Variants in KCNQ3 observed in about 807,000 individuals in gnomAD.
The protein encoded by KCNQ3 is potassium voltage-gated channel subfamily KQT member 3.
A neutral mutation model predicts 92.5 loss-of-function variants in KCNQ3; 30 were observed. The ratio of observed to expected loss-of-function variants is 0.32; its 90% confidence interval spans 0.24 to 0.44. The LOEUF (loss-of-function observed/expected upper bound fraction) is 0.44, where lower values mean the gene tolerates loss of function less well. KCNQ3 is among the 20% of genes least tolerant of loss of function. The pLI, the probability that KCNQ3 is intolerant of heterozygous loss-of-function variation, is 1.00. For missense variants in KCNQ3, 913 were observed against 1,140.3 expected (o/e 0.80, Z 2.87); for synonymous variants, 450 against 468.8 (o/e 0.96, Z 0.52).
rs1480654619 is a variant in KCNQ3 at position 132,123,000 on chromosome 8, G to A, written c.*6262C>T. ...CAACATGGGGATTCTCTGGGACAAG[G>A]CAAGAGGACCCAAGCTGTGTTCAAA... On this transcript the variant is annotated 3_prime_UTR_variant, in exon 15 of 15. Transcript: ENST00000388996. The A allele has an allele frequency of 6.6e-6, 1 of 152,156 alleles. No individual in the cohort carries two copies. The highest frequency in any genetic ancestry group is 2.4e-5 in the African/African-American group (1 of 41,436). The allele number at this position is 152,156 out of a possible 1,614,324, so 9.4% of individuals were successfully genotyped here. A position where few individuals can be genotyped will look rare whatever the true frequency, so the allele number is the denominator to read the frequency against.
chr8:132,170,476 C>G, intron 7 of KCNQ3, 48 bp from the exon 8 acceptor site: 2 of 1,214,748 alleles, frequency 1.6e-6, no homozygotes, highest in Non-Finnish European at 2.4e-6. Context: ...CCACCTGAAA[C>G]TTTCGCACAG....
chr8:132,333,736 A>ATT (rs5895137), intron 1 of KCNQ3, among the ~76,000 whole-genome samples: 2 of 145,342 alleles, frequency 1.4e-5, no homozygotes, highest in African/African-American at 5.1e-5. Context: ...TATGAAACAA[A>ATT]TTTTTTTTTT....
chr8:132,430,345 C>A (rs1821216010), intron 1 of KCNQ3, among the ~76,000 whole-genome samples: 1 of 152,230 alleles, frequency 6.6e-6, no homozygotes, highest in South Asian at 2.1e-4. Flanking sequence ...TTCTCACAAG[C>A]AGGCCCTTCA....
chr8:132,205,949 A>C (rs1401820820), intron 1 of KCNQ3, among the ~76,000 whole-genome samples: 1 of 152,168 alleles, frequency 6.6e-6, no homozygotes. Flanking sequence ...CCCTGGACCC[A>C]GGGAGAGAAG....
chr8:132,198,231 C>T (rs1827360608), intron 1 of KCNQ3, among the ~76,000 whole-genome samples: 1 of 152,182 alleles, frequency 6.6e-6, no homozygotes, highest in Non-Finnish European at 1.5e-5. Flanking sequence ...AGAATCCTTC[C>T]TCAGTTGAGC....
chr8:132,414,780 A>C (rs1176506947), intron 1 of KCNQ3, among the ~76,000 whole-genome samples: 1 of 152,228 alleles, frequency 6.6e-6, no homozygotes, highest in Non-Finnish European at 1.5e-5. Context: ...GCGTGATAGA[A>C]ACGCATGACC....
intron 1 of KCNQ3, among the ~76,000 whole-genome samples, chr8:132,190,027 T>C (rs1165078838): frequency 6.6e-6 from 1 of 151,850 alleles, no homozygotes; most frequent in Admixed American, 6.6e-5. Context: ...CACAGCCTCA[T>C]AAGTGACTTT....
intron 8 of KCNQ3, among the ~76,000 whole-genome samples, chr8:132,167,240 A>G (rs576432477): frequency 6.6e-6 from 1 of 152,362 alleles, no homozygotes; most frequent in South Asian, 2.1e-4. Flanking sequence ...AAAGAAAGAC[A>G]GAAAGTAGAT....
intron 1 of KCNQ3, among the ~76,000 whole-genome samples, chr8:132,209,959 A>G (rs537621792): frequency 1.2e-4 from 18 of 152,206 alleles, no homozygotes; most frequent in Non-Finnish European, 2.1e-4. Context: ...TATCTGTATA[A>G]GAGTCATGAC....
intron 1 of KCNQ3, among the ~76,000 whole-genome samples, chr8:132,252,906 A>G (rs1292034876): frequency 1.3e-5 from 2 of 152,174 alleles, no homozygotes; most frequent in Non-Finnish European, 2.9e-5. Flanking sequence ...ACATTCAGAG[A>G]GTGACACTAC....
Position 132,347,257 on chromosome 8 carries a change from CCT to C in KCNQ3, c.386+132888_386+132889del, listed in dbSNP as rs538081951. Among the ~76,000 whole-genome samples the C allele has an allele frequency of 2.2e-3, 334 of 152,270 alleles. 2 individuals are homozygous for C. Among genetic ancestry groups the C allele is most frequent in the African/African-American group, 7.7e-3 (321 of 41,538 alleles). ...ATGGAATTCCTGCCAAGTCCCTGGCCCTCTCTTTACTCATCAAGTATTTCAAT... is the reference window on the plus strand; with the variant it reads ...ATGGAATTCCTGCCAAGTCCCTGGCCCTCTTTACTCATCAAGTATTTCAAT... On this transcript the variant is annotated intron_variant, in intron 1 of 14. Coordinates refer to ENST00000388996, the MANE Select transcript of KCNQ3 (RefSeq NM_004519.4).
Position 132,163,602 on chromosome 8 carries a change from T to C in KCNQ3, c.1236-108A>G, listed in dbSNP as rs1211654938. 6 of 986,520 alleles carry C rather than the reference T, an allele frequency of 6.1e-6. No individual in the cohort carries two copies. The East Asian group carries it at 1.0e-4, about 16-fold the overall frequency. 61.1% of individuals were successfully genotyped at this position (986,520 alleles called of 1,614,324 possible). A position where few individuals can be genotyped will look rare whatever the true frequency, so the allele number is the denominator to read the frequency against. ...TCTCTCTGAAGATGATGGAGCAGAG[T>C]TGAGCTCTAGGACAGGATGGTCAGT... On this transcript the variant is annotated intron_variant, in intron 8 of 14. Transcript: ENST00000388996.
At chr8:132,478,984 G>T (rs984534131) in intron 1 of KCNQ3, among the ~76,000 whole-genome samples, 1 of 151,858 alleles carries the variant, frequency 6.6e-6, no homozygotes, top group Non-Finnish European at 1.5e-5. Flanking sequence ...GAGGGGGGAG[G>T]GGGGGTTGCC....
intron 1 of KCNQ3, among the ~76,000 whole-genome samples, chr8:132,369,880 T>C (rs1409192826): frequency 6.6e-6 from 1 of 152,172 alleles, no homozygotes; most frequent in East Asian, 1.9e-4. Context: ...TGCTATTAAA[T>C]TATCACCAGT....
At chr8:132,409,576 T>C (rs1271040063) in intron 1 of KCNQ3, among the ~76,000 whole-genome samples, 3 of 152,236 alleles carry the variant, frequency 2.0e-5, no homozygotes, top group African/African-American at 7.2e-5. Flanking sequence ...CACTGGACTG[T>C]GACCTCCTTG....
chr8:132,290,351 T>A (rs1021850578), intron 1 of KCNQ3, among the ~76,000 whole-genome samples: 3 of 152,302 alleles, frequency 2.0e-5, no homozygotes, highest in African/African-American at 7.2e-5. Flanking sequence ...AGAAGCTGCT[T>A]ATATGTATTG....
rs187142405 is a variant in KCNQ3 at position 132,364,213 on chromosome 8, G to A, written c.386+115934C>T. 3.7e-3 allele frequency among the ~76,000 whole-genome samples: 563 copies of A among 152,288 alleles called. 1 individual carries two copies. The highest frequency in any genetic ancestry group is 0.01 in the Middle Eastern group (3 of 294). ...AGATAGAATACAAATTAGGACACAG[G>A]ATGTGGTTAGCATTGTGAAAGGCAA... On this transcript the variant is annotated intron_variant, in intron 1 of 14. Transcript: ENST00000388996.
chr8:132,413,523 A>C (rs1820710676), intron 1 of KCNQ3, among the ~76,000 whole-genome samples: 1 of 152,184 alleles, frequency 6.6e-6, no homozygotes. Flanking sequence ...TTTCCATACC[A>C]TTCTATACAG....
intron 1 of KCNQ3, among the ~76,000 whole-genome samples, chr8:132,387,184 C>G (rs4095732): frequency 0.16 from 24,053 of 152,104 alleles, 2,225 homozygotes; most frequent in African/African-American, 0.26. Context: ...ATCATCATGT[C>G]CAAATAGGAT....
Sources: gnomAD v4.1 joint callset for allele counts (sites outside exome capture counted in the v4.1 genomes callset) on GRCh38, gnomAD v4.1.1 for gene constraint, MANE v1.5 for transcripts, NCBI Gene and HGNC (gene_info 2026-07-23, HGNC 2026-07-21) for gene names.